Variants in ZNF462 observed in about 807,000 individuals in gnomAD.
The protein encoded by ZNF462 is zinc finger protein 462, also known as zinc finger PBX1-interacting protein.
A neutral mutation model predicts 201.9 loss-of-function variants in ZNF462; 10 were observed. The observed-to-expected ratio is 0.05, with a 90% confidence interval of 0.03 to 0.08. The LOEUF is 0.08. Among genes scored for constraint, ZNF462 ranks in the 10% least tolerant of loss-of-function variants. The pLI is 1.00. For synonymous variants in ZNF462, 1,227 were observed against 1,193.3 expected (o/e 1.03, Z -0.58); for missense variants, 2,523 against 3,168.3 (o/e 0.80, Z 4.89).
At chr9:106,936,261 C>T (rs866714033) in intron 6 of ZNF462, among the ~76,000 whole-genome samples, 2 of 152,198 alleles carry the variant, frequency 1.3e-5, no homozygotes, top group African/African-American at 4.8e-5. Flanking sequence ...GACCCTTACC[C>T]ACCAGGCTGT....
At chr9:106,995,490 T>C (rs1303053132) in intron 10 of ZNF462, 1 of 152,206 alleles carries the variant, frequency 6.6e-6, no homozygotes, top group African/African-American at 2.4e-5. Context: ...AGTTTTGACA[T>C]ATTTTGTGAG....
rs1001354935 is a variant in ZNF462 at position 106,934,999 on chromosome 9, C to T, written c.6117-504C>T. Among the ~76,000 whole-genome samples, 11 of 152,166 alleles carry T rather than the reference C, an allele frequency of 7.2e-5. No homozygotes were observed. The South Asian group carries it at 8.3e-4, about 11-fold the overall frequency. On this transcript the variant is annotated intron_variant, in intron 5 of 12. Coordinates refer to ENST00000277225, the MANE Select transcript of ZNF462 (RefSeq NM_021224.6). ...CAGCCCATTGCAAGAAGGTCAGCCA[C>T]TTCGAAACCTCCCTTCCTCACTCTA...
chr9:106,907,244 T>C (rs1377370354), intron 1 of ZNF462, among the ~76,000 whole-genome samples: 1 of 152,154 alleles, frequency 6.6e-6, no homozygotes, highest in Non-Finnish European at 1.5e-5. Context: ...TTTTTACTAG[T>C]ATTTATTGTG....
rs988285244 is a variant in ZNF462, at chr9:106,895,336, G to A, written c.-30-28018G>A. Among the ~76,000 whole-genome samples the A allele has an allele frequency of 3.3e-5, 5 of 152,092 alleles. No individual in the cohort carries two copies. The highest frequency in any genetic ancestry group is 6.6e-5 in the Admixed American group (1 of 15,266). The stretch of plus-strand genomic sequence containing the variant: ...GTGCACCAAGCATTAGCTTCTGCCC[G>A]TGCTCCCTTCTAAATATCATGTAGG... On this transcript the variant is annotated intron_variant, in intron 1 of 12. Coordinates refer to ENST00000277225, the MANE Select transcript of ZNF462 (RefSeq NM_021224.6). This position sits in a 1 kb window ranked among gnomAD's most constrained non-coding sequence, Gnocchi z 4.4.
intron 10 of ZNF462, among the ~76,000 whole-genome samples, chr9:106,986,938 AT>A (rs1478851692): frequency 5.3e-5 from 8 of 152,076 alleles, no homozygotes; most frequent in Non-Finnish European, 7.4e-5. Flanking sequence ...TGCACATGCC[AT>A]TAATACATTC....
intron 10 of ZNF462, among the ~76,000 whole-genome samples, chr9:106,990,089 C>T (rs1273455836): frequency 6.6e-6 from 1 of 151,814 alleles, no homozygotes; most frequent in Non-Finnish European, 1.5e-5. Context: ...ACTGCCTTTG[C>T]TGTATCCCAG....
chr9:106,968,355 C>T lies in ZNF462; in HGVS notation c.6428-3650C>T, dbSNP rs553558186. Among the ~76,000 whole-genome samples, 2 of 152,256 alleles carry T rather than the reference C, an allele frequency of 1.3e-5. No individual in the cohort carries two copies. The highest frequency in any genetic ancestry group is 2.1e-4 in the South Asian group (1 of 4,828). ...CACTGTGACCATCATTGCTAAAATT[C>T]TAATTTGATCCTGATTTTAATTCAT... On this transcript the variant is annotated intron_variant, in intron 7 of 12. Transcript: ENST00000277225. The surrounding 1 kb of genome is among the most constrained non-coding windows in gnomAD (Gnocchi z 4.0).
intron 10 of ZNF462, among the ~76,000 whole-genome samples, chr9:106,986,925 C>T (rs559752824): frequency 1.0e-3 from 156 of 152,038 alleles, no homozygotes; most frequent in Middle Eastern, 6.8e-3. Context: ...TCATCCAGGT[C>T]GCTGCACATG....
chr9:106,997,817 A>G lies in ZNF462; in HGVS notation c.7057-5477A>G, dbSNP rs1175029612. Reference sequence around the variant, plus strand: ...CCAAATCTAGTCCACCTCCTTTTTTATATGGTCCACTCTCTAAGGATGGTC... The same window carrying G: ...CCAAATCTAGTCCACCTCCTTTTTTGTATGGTCCACTCTCTAAGGATGGTC... On this transcript the variant is annotated intron_variant, in intron 10 of 12. Transcript: ENST00000277225. 2.6e-5 allele frequency among the ~76,000 whole-genome samples: 4 copies of G among 152,122 alleles called. No homozygotes were observed. The South Asian group carries it at 6.2e-4, about 24-fold the overall frequency.
rs538042926 is a variant in ZNF462, at chr9:106,974,105, C to T, written c.6696-32C>T. 1.4e-5 allele frequency: 22 copies of T among 1,613,306 alleles called. No homozygotes were observed. The East Asian group carries it at 1.8e-4, about 13-fold the overall frequency. On this transcript the variant is annotated intron_variant, in intron 8 of 12. Transcript: ENST00000277225. The surrounding 1 kb of genome is among the most constrained non-coding windows in gnomAD (Gnocchi z 4.0). The stretch of plus-strand genomic sequence containing the variant: ...GAAAATGCAATGATCCCTGGTTACA[C>T]GCATCACCTCTCCTCCCAAACTCTC...
intron 1 of ZNF462, among the ~76,000 whole-genome samples, chr9:106,871,048 G>A (rs956569978): frequency 2.6e-5 from 4 of 152,112 alleles, no homozygotes; most frequent in South Asian, 4.1e-4. Context: ...AATTCTCCCC[G>A]TTAACACTGC....
At chr9:106,868,401 A>G (rs1429247945) in intron 1 of ZNF462, among the ~76,000 whole-genome samples, 1 of 152,200 alleles carries the variant, frequency 6.6e-6, no homozygotes, top group Non-Finnish European at 1.5e-5. Flanking sequence ...AAAGAAAGGA[A>G]AAGAGGCACT....
chr9:106,979,825 C>T (rs1478508181), intron 9 of ZNF462, among the ~76,000 whole-genome samples: 1 of 152,146 alleles, frequency 6.6e-6, no homozygotes, highest in African/African-American at 2.4e-5. Context: ...AGGGATGAAA[C>T]ACAGTTTTGC....
In ZNF462 at chr9:107,008,945, C is replaced by T. The variant is rs1445899580; in HGVS notation, c.7190-600C>T. On this transcript the variant is annotated intron_variant, in intron 11 of 12. Transcript: ENST00000277225. The surrounding 1 kb of genome is among the most constrained non-coding windows in gnomAD (Gnocchi z 4.8). The stretch of plus-strand genomic sequence containing the variant: ...GTTCCCACTCATCCAGATAAATGTT[C>T]ATGGTAGATTCTTCGCTTGCAGATC... 3.3e-5 allele frequency among the ~76,000 whole-genome samples: 5 copies of T among 152,164 alleles called. No homozygotes were observed. Among genetic ancestry groups the T allele is most frequent in the Non-Finnish European group, 7.3e-5 (5 of 68,030 alleles).
At chr9:106,922,967 G>A (rs888609626) in intron 1 of ZNF462, among the ~76,000 whole-genome samples, 1 of 152,152 alleles carries the variant, frequency 6.6e-6, no homozygotes, top group Non-Finnish European at 1.5e-5. Flanking sequence ...TTACTTTTGA[G>A]ATGGTTCCAA....
In ZNF462 at chr9:106,926,222, A is replaced by G; in HGVS notation, c.2310A>G (p.Lys770=). 3.7e-6 allele frequency: 6 copies of G among 1,614,230 alleles called. No individual in the cohort carries two copies. Among genetic ancestry groups the G allele is most frequent in the Non-Finnish European group, 5.1e-6 (6 of 1,180,046 alleles). The change falls in exon 3 of 13, where the codon AAA becomes AAG. Residue 770 remains lysine (K), a synonymous_variant. Coordinates refer to ENST00000277225, the MANE Select transcript of ZNF462 (RefSeq NM_021224.6). This position sits in a 1 kb window ranked among gnomAD's most constrained non-coding sequence, Gnocchi z 7.9. ...IWVRDTSEPQ[K]EPNFRNITHD... is the part of the protein sequence containing the mutation. ...TAAGAGATACCAGTGAGCCCCAGAA[A>G]GAGCCCAACTTCAGAAACATCACCC...
At chr9:106,911,817 A>G (rs73668714) in intron 1 of ZNF462, among the ~76,000 whole-genome samples, 11,098 of 152,220 alleles carry the variant, frequency 0.073, 797 homozygotes, top group African/African-American at 0.19. Flanking sequence ...TTTCTGATAC[A>G]TTTAGATTTT....
rs960461752 is a variant in ZNF462 at position 106,954,774 on chromosome 9, T to C, written c.6427+15667T>C. ...CCGAGATGTGAGTCAACTCTTCCTC[T>C]GAAATCCCTCAATGCTGTGCCCTAC... is the stretch of plus-strand genomic sequence containing the variant. On this transcript the variant is annotated intron_variant, in intron 7 of 12. Transcript: ENST00000277225. The surrounding 1 kb of genome is among the most constrained non-coding windows in gnomAD (Gnocchi z 4.0). 1.3e-5 allele frequency among the ~76,000 whole-genome samples: 2 copies of C among 152,146 alleles called. No homozygotes were observed. Among genetic ancestry groups the C allele is most frequent in the African/African-American group, 4.8e-5 (2 of 41,438 alleles).
At chr9:106,912,198 C>T (rs2131313777) in intron 1 of ZNF462, among the ~76,000 whole-genome samples, 1 of 152,282 alleles carries the variant, frequency 6.6e-6, no homozygotes, top group Admixed American at 6.5e-5. Flanking sequence ...GATGATGTTT[C>T]TCGTGGGGTA....
Sources: allele counts gnomAD v4.1 joint callset (sites outside exome capture counted in the v4.1 genomes callset), GRCh38; gene constraint gnomAD v4.1.1; non-coding constraint Gnocchi (gnomAD v3.1); transcripts MANE v1.5; gene names NCBI Gene and HGNC (gene_info 2026-07-23, HGNC 2026-07-21).